DNAH12: variants seen among roughly 807,000 people sequenced by gnomAD.
DNAH12 encodes dynein axonemal heavy chain 12.
DNAH12 carries 285 observed loss-of-function variants against 371.5 expected under a neutral mutation model. That is an observed-to-expected ratio of 0.77 (90% CI 0.70 to 0.85). The LOEUF is 0.85. Ranked by LOEUF, DNAH12 falls within the 40% of genes least tolerant of loss-of-function variation. The pLI is 0.00. For synonymous variants in DNAH12, 1,200 were observed against 1,213.0 expected (o/e 0.99, Z 0.22); for missense variants, 3,611 against 3,689.4 (o/e 0.98, Z 0.55).
At position 57,499,630 on chromosome 3, in the gene DNAH12, C is replaced by CAAAAA. The variant is rs1220632097; in HGVS notation, c.1335+1686_1335+1690dup. 4.0e-3 allele frequency among the ~76,000 whole-genome samples: 59 copies of CAAAAA among 14,886 alleles called. 7 individuals carry two copies. The highest frequency in any genetic ancestry group is 5.7e-3 in the Non-Finnish European group (51 of 8,924). 9.8% of individuals were successfully genotyped at this position (14,886 alleles called of 152,430 possible). On this transcript the variant is annotated intron_variant, in intron 11 of 73. Coordinates refer to ENST00000495027, the MANE Select transcript of DNAH12 (RefSeq NM_001366028.2). The stretch of plus-strand genomic sequence containing the variant: ...GAAACATAAGGAGACACCATCTCTA[C>CAAAAA]AAAAAAAAAAAAAAAAAATATATAT...
chr3:57,461,004 G>A (rs980386295), intron 19 of DNAH12, among the ~76,000 whole-genome samples: 1 of 152,092 alleles, frequency 6.6e-6, no homozygotes, highest in Non-Finnish European at 1.5e-5. Context: ...CCCCAGTTAG[G>A]ATAGTTTTCA....
At chr3:57,466,638 G>C (rs558333191) in intron 17 of DNAH12, among the ~76,000 whole-genome samples, 101 of 152,304 alleles carry the variant, frequency 6.6e-4, no homozygotes, top group Non-Finnish European at 1.2e-3. Flanking sequence ...CCACTGCCAA[G>C]TGGAGAACTG....
At chr3:57,355,385 T>C (rs1013325078) in intron 59 of DNAH12, among the ~76,000 whole-genome samples, 12 of 151,958 alleles carry the variant, frequency 7.9e-5, no homozygotes, top group African/African-American at 2.9e-4. Flanking sequence ...AAATGAAATA[T>C]AAAAATAAAC....
intron 22 of DNAH12, 89 bp from the exon 23 acceptor site, chr3:57,454,983 C>T: frequency 7.0e-7 from 1 of 1,427,822 alleles, no homozygotes; most frequent in Non-Finnish European, 9.4e-7. Context: ...TAATATTTGG[C>T]ACATACATAG....
In DNAH12 at chr3:57,342,933, C is replaced by T. The variant is rs114849843; in HGVS notation, c.9675-7993G>A. Among the ~76,000 whole-genome samples the T allele has an allele frequency of 8.0e-3, 1,211 of 151,994 alleles. 14 individuals carry two copies. Among genetic ancestry groups the T allele is most frequent in the Middle Eastern group, 0.017 (5 of 294 alleles). On this transcript the variant is annotated intron_variant, in intron 60 of 73. Transcript: ENST00000495027. ...AAGAAAAATACAAAAATTAGCCAAG[C>T]ATGGTGGCTTGTGCCTGTGTCCCAG...
chr3:57,404,211 TCAG>T (rs2153352647), intron 42 of DNAH12, among the ~76,000 whole-genome samples: 1 of 152,138 alleles, frequency 6.6e-6, no homozygotes, highest in East Asian at 1.9e-4. Context: ...AAAATTTGTC[TCAG>T]AAGAATGACT....
chr3:57,553,953 T>A, the DNAH12 span, among the ~76,000 whole-genome samples: 40 of 150,902 alleles, frequency 2.7e-4, no homozygotes, highest in Non-Finnish European at 4.7e-4. Flanking sequence ...GCCTCCTGAG[T>A]AGCTGGGATT....
chr3:57,508,263 A>C (rs2067848811), intron 7 of DNAH12, 119 bp downstream of exon 7: 1 of 1,043,222 alleles, frequency 9.6e-7, no homozygotes. Context: ...ACATTTTTTT[A>C]AACTCTAAAA....
At chr3:57,548,500 G>A (rs1031013587), upstream of DNAH12, among the ~76,000 whole-genome samples, 11 of 152,118 alleles carry the variant, frequency 7.2e-5, no homozygotes, top group Non-Finnish European at 1.5e-4. Context: ...CTTGAGCCCT[G>A]GAGTTTGAGA....
chr3:57,373,744 T>C (rs899890480), intron 55 of DNAH12, among the ~76,000 whole-genome samples: 1 of 152,214 alleles, frequency 6.6e-6, no homozygotes, highest in Non-Finnish European at 1.5e-5. Flanking sequence ...AACAGAATGA[T>C]CCCTGCTCTA....
Position 57,413,904 on chromosome 3 carries a change from G to T in DNAH12, c.5862C>A (p.Ile1954=), listed in dbSNP as rs372503966. 38 of 1,549,572 alleles carry T rather than the reference G, an allele frequency of 2.5e-5. No homozygotes were observed. In the East Asian group the frequency reaches 9.3e-4, roughly 38 times the overall value. Residue 1954 remains isoleucine (I), a synonymous_variant, in exon 39 of 74, where the codon ATC becomes ATA. Coordinates refer to ENST00000495027, the MANE Select transcript of DNAH12 (RefSeq NM_001366028.2). ...TGCGTCTTTTATCCAATCTAGCCAT[G>T]ATAATGTTCTAAAATATGAAGGAAG... ...RTSANQVQNI[I]MARLDKRRKG...
At chr3:57,390,629 G>A (rs910750027) in intron 45 of DNAH12, among the ~76,000 whole-genome samples, 23 of 150,076 alleles carry the variant, frequency 1.5e-4, no homozygotes, top group African/African-American at 5.1e-4. Flanking sequence ...ATTCTATTGG[G>A]CATAAAACAA....
intron 36 of DNAH12, among the ~76,000 whole-genome samples, chr3:57,419,753 ATT>A (rs2064508054): frequency 6.6e-6 from 1 of 152,128 alleles, no homozygotes; most frequent in African/African-American, 2.4e-5. Flanking sequence ...TTCAATTTTC[ATT>A]TTTAATAACC....
At chr3:57,502,171 T>C (rs1446188320) in intron 10 of DNAH12, 152 bp downstream of exon 10, 6 of 963,186 alleles carry the variant, frequency 6.2e-6, no homozygotes, top group African/African-American at 1.6e-5. Context: ...CCTCCCTGGG[T>C]TGGATTCTTG....
chr3:57,329,244 G>A lies in DNAH12; in HGVS notation c.9978+5221C>T, dbSNP rs1424609010. 2.8e-4 allele frequency among the ~76,000 whole-genome samples: 40 copies of A among 140,536 alleles called. No individual in the cohort carries two copies. In the East Asian group the frequency reaches 8.0e-3, roughly 28 times the overall value. The allele number at this position is 140,536 out of a possible 152,430, so 92.2% of individuals were successfully genotyped here. Reference sequence around the variant, plus strand: ...TTCATATGGAACCAAAAAAGAGCCTGCATTGCCAAGTCAATCCTAAGCCAA... The same window carrying A: ...TTCATATGGAACCAAAAAAGAGCCTACATTGCCAAGTCAATCCTAAGCCAA... On this transcript the variant is annotated intron_variant, in intron 62 of 73. Transcript: ENST00000495027.
chr3:57,361,421 CTA>C (rs1227133976), intron 58 of DNAH12, among the ~76,000 whole-genome samples: 8 of 133,566 alleles, frequency 6.0e-5, no homozygotes, highest in South Asian at 4.6e-4. Flanking sequence ...TACACACACA[CTA>C]TATATATATA....
chr3:57,490,796 T>A (rs1489451321), intron 11 of DNAH12, among the ~76,000 whole-genome samples: 1 of 152,044 alleles, frequency 6.6e-6, no homozygotes, highest in African/African-American at 2.4e-5. Flanking sequence ...TGGTTGGAAA[T>A]ACACCAAATA....
In DNAH12 at chr3:57,312,865, T is replaced by C. The variant is rs138703290; in HGVS notation, c.10662+1629A>G. On this transcript the variant is annotated intron_variant, in intron 66 of 73. Coordinates refer to ENST00000495027, the MANE Select transcript of DNAH12 (RefSeq NM_001366028.2). ...ATTCCAGTTAAGGTTTCTGCCCTGA[T>C]ATTTTTTAAAGACTCGATAAAATAT... Among the ~76,000 whole-genome samples, 443 of 152,370 alleles carry C rather than the reference T, an allele frequency of 2.9e-3. 2 individuals carry two copies. Among genetic ancestry groups the C allele is most frequent in the African/African-American group, 0.01 (419 of 41,586 alleles).
intron 11 of DNAH12, among the ~76,000 whole-genome samples, chr3:57,494,908 C>T (rs1480292904): frequency 6.6e-6 from 1 of 151,982 alleles, no homozygotes; most frequent in Admixed American, 6.6e-5. Flanking sequence ...AGTCAGGAGG[C>T]TGAGGCAGGA....
Sources: allele counts gnomAD v4.1 joint callset (sites outside exome capture counted in the v4.1 genomes callset), GRCh38; gene constraint gnomAD v4.1.1; transcripts MANE v1.5; gene names NCBI Gene and HGNC (gene_info 2026-07-23, HGNC 2026-07-21).